Variants in BID observed in about 807,000 individuals in gnomAD.
The protein encoded by BID is BH3-interacting domain death agonist.
BID carries 19 observed loss-of-function variants against 17.4 expected under a neutral mutation model. The ratio of observed to expected loss-of-function variants is 1.09; its 90% CI spans 0.76 to 1.60. The LOEUF (loss-of-function observed/expected upper bound fraction) is 1.60, where lower values mean the gene tolerates loss of function less well. Ranked by LOEUF, BID falls within the 40% of genes most tolerant of loss-of-function variation. BID has a pLI of 0.00. For missense variants in BID, 226 were observed against 256.0 expected (o/e 0.88, Z 0.80); for synonymous variants, 108 against 102.8 (o/e 1.05, Z -0.31).
Position 17,739,425 on chromosome 22 carries a change from C to A in BID, c.287G>T (p.Ser96Ile). The A allele has an allele frequency of 1.9e-6, 3 of 1,612,310 alleles. No homozygotes were observed. The highest frequency in any genetic ancestry group is 2.2e-5 in the South Asian group (2 of 91,078). ...IARHLAQVGDSMDRSIPPGLV... is the reference protein window; with the variant it reads ...IARHLAQVGDIMDRSIPPGLV... ...GCCCGGAGGGATGCTACGGTCCATGCTGTCCCCGACCTGGGCGAGGTGCCT... is the reference window on the plus strand; with the variant it reads ...GCCCGGAGGGATGCTACGGTCCATGATGTCCCCGACCTGGGCGAGGTGCCT... The change falls in exon 4 of 6, where the codon AGC becomes ATC. Residue 96 changes from serine to isoleucine, a missense_variant. Ser to Ile is a moderately radical substitution (Grantham distance 142). Coordinates refer to ENST00000622694, the MANE Select transcript of BID (RefSeq NM_001196.4).
At chr22:17,768,039 T>C (rs2145921580) in intron 1 of BID, among the ~76,000 whole-genome samples, 1 of 152,324 alleles carries the variant, frequency 6.6e-6, no homozygotes, top group Non-Finnish European at 1.5e-5. Context: ...AAAGACCACG[T>C]AGTGTGTGAT....
At chr22:17,771,832 A>G (rs910270467) in intron 1 of BID, among the ~76,000 whole-genome samples, 1 of 151,106 alleles carries the variant, frequency 6.6e-6, no homozygotes, top group Non-Finnish European at 1.5e-5. Context: ...AGGTTTCTGA[A>G]CCCCTGCCCC....
chr22:17,758,138 A>T (rs999908656), intron 1 of BID, among the ~76,000 whole-genome samples: 10 of 152,180 alleles, frequency 6.6e-5, no homozygotes, highest in Non-Finnish European at 1.5e-4. Context: ...ATTCAGTCTC[A>T]TATCTCTTTT....
At position 17,741,564 on chromosome 22, in the gene BID, C is replaced by T. The variant is rs191074982; in HGVS notation, c.224-2076G>A. ...TCTCAGCTCACTGCAACCTCCGCTT[C>T]CCGGGTTCAAACAATTCTCTACCTC... On this transcript the variant is annotated intron_variant, in intron 3 of 5. Coordinates refer to ENST00000622694, the MANE Select transcript of BID (RefSeq NM_001196.4). Among the ~76,000 whole-genome samples the T allele has an allele frequency of 2.0e-5, 3 of 152,046 alleles. No homozygotes were observed. The East Asian group carries it at 5.8e-4, about 29-fold the overall frequency.
At chr22:17,755,606 T>A (rs1228103322) in intron 1 of BID, among the ~76,000 whole-genome samples, 1 of 151,794 alleles carries the variant, frequency 6.6e-6, no homozygotes, top group African/African-American at 2.4e-5. Context: ...ACTGAGACCA[T>A]CCTGGTCAAC....
At chr22:17,754,269 C>T (rs1368290891) in intron 1 of BID, among the ~76,000 whole-genome samples, 2 of 152,260 alleles carry the variant, frequency 1.3e-5, no homozygotes, top group South Asian at 2.1e-4. Context: ...CTTTGCCAGA[C>T]GGGGGTGACA....
chr22:17,765,741 A>G (rs557508525), intron 1 of BID, among the ~76,000 whole-genome samples: 1 of 152,326 alleles, frequency 6.6e-6, no homozygotes, highest in African/African-American at 2.4e-5. Context: ...ATGACGAGTT[A>G]ATGGGTGCAG....
chr22:17,767,897 G>C (rs1309712978), intron 1 of BID, among the ~76,000 whole-genome samples: 2 of 152,096 alleles, frequency 1.3e-5, no homozygotes, highest in Non-Finnish European at 2.9e-5. Flanking sequence ...GCAAACCTGG[G>C]CAACACAGTG....
chr22:17,768,207 A>G (rs780344791), intron 1 of BID, among the ~76,000 whole-genome samples: 22 of 152,224 alleles, frequency 1.4e-4, no homozygotes, highest in Non-Finnish European at 2.8e-4. Flanking sequence ...CCGTGTATAT[A>G]CTAAGCCACT....
chr22:17,751,720 C>T (rs947123361), intron 1 of BID, among the ~76,000 whole-genome samples: 1 of 152,208 alleles, frequency 6.6e-6, no homozygotes, highest in African/African-American at 2.4e-5. Flanking sequence ...CAGGCTGCAC[C>T]CTACTCTCCC....
At chr22:17,771,191 C>T (rs1313737309) in intron 1 of BID, among the ~76,000 whole-genome samples, 3 of 152,212 alleles carry the variant, frequency 2.0e-5, no homozygotes, top group African/African-American at 4.8e-5. Flanking sequence ...GCTCCACCTC[C>T]CGGGTTCACA....
At chr22:17,765,310 T>C (rs749801119) in intron 1 of BID, among the ~76,000 whole-genome samples, 1 of 152,192 alleles carries the variant, frequency 6.6e-6, no homozygotes, top group Non-Finnish European at 1.5e-5. Context: ...AACTGAGGCA[T>C]TGAAAGAAGT....
At chr22:17,771,138 C>T (rs1241779690) in intron 1 of BID, among the ~76,000 whole-genome samples, 2 of 152,180 alleles carry the variant, frequency 1.3e-5, no homozygotes, top group Non-Finnish European at 2.9e-5. Flanking sequence ...CTCGCTCTGT[C>T]CCCCAGGCTG....
intron 2 of BID, among the ~76,000 whole-genome samples, chr22:17,746,552 T>G (rs1269684523): frequency 2.0e-5 from 3 of 152,216 alleles, no homozygotes; most frequent in Non-Finnish European, 4.4e-5. Flanking sequence ...CAGTTAGTGC[T>G]GGGCTAAGCT....
At chr22:17,756,432 CTTCT>C (rs1555906073) in intron 1 of BID, among the ~76,000 whole-genome samples, 2,323 of 69,100 alleles carry the variant, frequency 0.034, 33 homozygotes, top group Middle Eastern at 0.083. Context: ...TTCTTTCTTT[CTTCT>C]TTCTTTCTTT....
intron 3 of BID, chr22:17,740,051 C>T (rs1252397597): frequency 1.9e-6 from 3 of 1,603,496 alleles, no homozygotes; most frequent in Admixed American, 3.4e-5. Flanking sequence ...TCCTCTGGCG[C>T]ACAGCCTCCG....
In BID at chr22:17,751,566, C is replaced by CA. The variant is rs549808044; in HGVS notation, c.-58-1393_-58-1392insT. 3.2e-4 allele frequency among the ~76,000 whole-genome samples: 48 copies of CA among 152,244 alleles called. 3 individuals are homozygous for CA. The South Asian group carries it at 9.3e-3, about 30-fold the overall frequency. Reference sequence around the variant, plus strand: ...CAAGCATTGGCAATTTCACATGGTTCCTGAATACATAGGAAATAAAAAGCA... The same window carrying CA: ...CAAGCATTGGCAATTTCACATGGTTCACTGAATACATAGGAAATAAAAAGCA... On this transcript the variant is annotated intron_variant, in intron 1 of 5. Transcript: ENST00000622694.
In BID at chr22:17,742,096, A is replaced by G. The variant is rs576520282; in HGVS notation, c.223+1707T>C. On this transcript the variant is annotated intron_variant, in intron 3 of 5. Coordinates refer to ENST00000622694, the MANE Select transcript of BID (RefSeq NM_001196.4). ...GATCCGTCTGTGTCCAGCCGAGTGA[A>G]CGGACTCACCAAAGAAACCCCGGCA... 3.9e-5 allele frequency among the ~76,000 whole-genome samples: 6 copies of G among 152,344 alleles called. No individual in the cohort carries two copies. The East Asian group carries it at 9.6e-4, about 24-fold the overall frequency.
intron 1 of BID, among the ~76,000 whole-genome samples, chr22:17,753,644 C>T (rs919281369): frequency 5.3e-5 from 8 of 152,256 alleles, no homozygotes; most frequent in African/African-American, 9.6e-5. Context: ...GAGGCTCCCC[C>T]GTCAATAGCG....
Sources: gnomAD v4.1 joint callset for allele counts (sites outside exome capture counted in the v4.1 genomes callset) on GRCh38, gnomAD v4.1.1 for gene constraint, MANE v1.5 for transcripts, NCBI Gene and HGNC (gene_info 2026-07-23, HGNC 2026-07-21) for gene names.